ZNF468: variants seen among roughly 807,000 people sequenced by gnomAD.
ZNF468 encodes the protein zinc finger protein ZNF468.
A neutral mutation model predicts 7.2 loss-of-function variants in ZNF468; 8 were observed. The observed-to-expected ratio is 1.11, with a 90% CI of 0.65 to 2.01. The LOEUF (loss-of-function observed/expected upper bound fraction) is 2.01. ZNF468 is among the 30% of genes most tolerant of loss of function. The pLI is 0.00. For synonymous variants in ZNF468, 218 were observed against 214.4 expected, an observed-to-expected ratio of 1.02 and a Z score of -0.15; for missense variants, 608 against 626.5, an observed-to-expected ratio of 0.97 and a Z score of 0.31.
Position 52,841,557 on chromosome 19 carries a change from T to A in ZNF468, c.737A>T (p.Asp246Val). ...IHLEEKQCKC[D>V]VCGKVFNQKR... ...CTGATTAAAGACCTTGCCACATACATCACATTTACATTGTTTCTCTTCTAA... is the reference window on the plus strand; with the variant it reads ...CTGATTAAAGACCTTGCCACATACAACACATTTACATTGTTTCTCTTCTAA... The change falls in exon 4 of 4, where the codon GAT becomes GTT. Residue 246 changes from aspartate to valine, a missense_variant. Coordinates refer to ENST00000595646, the MANE Select transcript of ZNF468 (RefSeq NM_001008801.2). 1.2e-6 allele frequency: 2 copies of A among 1,614,152 alleles called. No individual in the cohort carries two copies. Among genetic ancestry groups the A allele is most frequent in the Non-Finnish European group, 1.7e-6 (2 of 1,180,026 alleles).
rs770588088 is a variant in ZNF468 at position 52,841,812 on chromosome 19, C to G, written c.482G>C (p.Gly161Ala). 1 of 1,614,048 alleles carries G rather than the reference C, an allele frequency of 6.2e-7. No individual in the cohort carries two copies. The highest frequency in any genetic ancestry group is 1.3e-5 in the African/African-American group (1 of 75,016). ...PHIFQSEGKIGNQVEKSINNA... is the reference protein window; with the variant it reads ...PHIFQSEGKIANQVEKSINNA... ...GTTGATAGACTTCTCAACTTGATTA[C>G]CAATTTTCCCTTCAGACTGAAATAT... is the stretch of plus-strand genomic sequence containing the variant. Residue 161 changes from glycine to alanine, a missense_variant, in exon 4 of 4, where the codon GGT becomes GCT. By Grantham distance (60) the Gly-to-Ala change is moderately conservative. Transcript: ENST00000595646.
At position 52,839,966 on chromosome 19, in the gene ZNF468, T is replaced by C. The variant is rs1387220711; in HGVS notation, c.*759A>G. The C allele has an allele frequency of 1.6e-6, 2 of 1,257,554 alleles. No homozygotes were observed. The highest frequency in any genetic ancestry group is 3.5e-5 in the East Asian group (1 of 28,800). 77.9% of individuals were successfully genotyped at this position (1,257,554 alleles called of 1,614,324 possible). On this transcript the variant is annotated 3_prime_UTR_variant, in exon 4 of 4. Transcript: ENST00000595646. ...TCATTACATTAGTCAAGTTTCCCTATACCATGGATTGCTTGATGGTGAATA... is the reference window on the plus strand; with the variant it reads ...TCATTACATTAGTCAAGTTTCCCTACACCATGGATTGCTTGATGGTGAATA...
At chr19:52,848,075 A>G (rs914421233) in intron 3 of ZNF468, among the ~76,000 whole-genome samples, 1 of 152,198 alleles carries the variant, frequency 6.6e-6, no homozygotes, top group African/African-American at 2.4e-5. Context: ...GTGAAAAATT[A>G]AACTTTCCTT....
intron 1 of ZNF468, among the ~76,000 whole-genome samples, chr19:52,855,043 T>C (rs1031991003): frequency 6.6e-6 from 1 of 151,876 alleles, no homozygotes; most frequent in Non-Finnish European, 1.5e-5. Flanking sequence ...CAGGGTGTGG[T>C]GGCACACACC....
chr19:52,840,474 T>C lies in ZNF468; in HGVS notation c.*251A>G, dbSNP rs746812662. The C allele has an allele frequency of 3.7e-6, 3 of 800,228 alleles. No homozygotes were observed. The South Asian group carries it at 5.0e-5, about 13-fold the overall frequency. The allele number at this position is 800,228 out of a possible 1,614,324, so 49.6% of individuals were successfully genotyped here. A position where few individuals can be genotyped will look rare whatever the true frequency, so the allele number is the denominator to read the frequency against. On this transcript the variant is annotated 3_prime_UTR_variant, in exon 4 of 4. Transcript: ENST00000595646. ...AACCTTGTCACAAACCTTACCTCTG[T>C]ATGGTTTCTCTTCAATGTGAATTTT...
intron 3 of ZNF468, among the ~76,000 whole-genome samples, chr19:52,846,794 G>C (rs901177797): frequency 6.6e-6 from 1 of 152,118 alleles, no homozygotes; most frequent in Non-Finnish European, 1.5e-5. Flanking sequence ...TTGAGATGAG[G>C]AGTTTGAGAC....
Position 52,839,826 on chromosome 19 carries a change from A to C in ZNF468, c.*899T>G. 1.9e-6 allele frequency: 1 copy of C among 538,418 alleles called. No individual in the cohort carries two copies. Among genetic ancestry groups the C allele is most frequent in the Non-Finnish European group, 3.5e-6 (1 of 287,710 alleles). The allele number at this position is 538,418 out of a possible 1,614,324, so 33.4% of individuals were successfully genotyped here. A position where few individuals can be genotyped will look rare whatever the true frequency, so the allele number is the denominator to read the frequency against. On this transcript the variant is annotated 3_prime_UTR_variant, in exon 4 of 4. Coordinates refer to ENST00000595646, the MANE Select transcript of ZNF468 (RefSeq NM_001008801.2). ...AGCATGAGTTCACCAGTGAAATGCAAGGCATGAACGATGTCTGAAAAATTT... is the reference window on the plus strand; with the variant it reads ...AGCATGAGTTCACCAGTGAAATGCACGGCATGAACGATGTCTGAAAAATTT...
At chr19:52,845,694 G>A (rs2063336999) in intron 3 of ZNF468, among the ~76,000 whole-genome samples, 1 of 151,470 alleles carries the variant, frequency 6.6e-6, no homozygotes, top group Non-Finnish European at 1.5e-5. Flanking sequence ...AATAAATAAA[G>A]TTCTCCAGTA....
At chr19:52,843,852 T>C (rs193011484) in intron 3 of ZNF468, among the ~76,000 whole-genome samples, 1 of 152,252 alleles carries the variant, frequency 6.6e-6, no homozygotes, top group East Asian at 1.9e-4. Flanking sequence ...CCGGGTGCAG[T>C]GGCACATGCC....
Position 52,841,852 on chromosome 19 carries a change from G to A in ZNF468, c.442C>T (p.Leu148=). Reference sequence around the variant, plus strand: ...GACTGAAATATGTGCGGTTCAGGCAGATGCAAATGAAAGCTTGATCCAAGC... The same window carrying A: ...GACTGAAATATGTGCGGTTCAGGCAAATGCAAATGAAAGCTTGATCCAAGC... ...DQLGSSFHLH[L]PEPHIFQSEG... Residue 148 remains leucine (L), a synonymous_variant, in exon 4 of 4, where the codon CTG becomes TTG. Coordinates refer to ENST00000595646, the MANE Select transcript of ZNF468 (RefSeq NM_001008801.2). The A allele has an allele frequency of 4.3e-6, 7 of 1,614,112 alleles. No individual in the cohort carries two copies. The highest frequency in any genetic ancestry group is 5.9e-6 in the Non-Finnish European group (7 of 1,180,026).
intron 3 of ZNF468, among the ~76,000 whole-genome samples, 163 bp downstream of exon 3, chr19:52,848,924 A>G (rs749198266): frequency 1.8e-4 from 28 of 152,062 alleles, no homozygotes; most frequent in Non-Finnish European, 3.7e-4. Flanking sequence ...GAACATCTAA[A>G]CAAAGGGGAC....
chr19:52,841,917 T>G lies in ZNF468; in HGVS notation c.377A>C (p.His126Pro). The G allele has an allele frequency of 6.2e-7, 1 of 1,614,080 alleles. No individual in the cohort carries two copies. The highest frequency in any genetic ancestry group is 8.5e-7 in the Non-Finnish European group (1 of 1,179,988). ...CTTGTTTCCAGCATGCCTTTGATCA[T>G]GTTGGCCTGTACTACCAGCCAACTC... Reference protein sequence around the residue: ...IKELAGSTGQHDQRHAGNKRI... With the variant: ...IKELAGSTGQPDQRHAGNKRI... The change falls in exon 4 of 4, where the codon CAT (histidine) becomes CCT (proline). Residue 126 changes from histidine to proline, a missense_variant. His to Pro is a moderately conservative substitution (Grantham distance 77, BLOSUM62 -2). Transcript: ENST00000595646.
rs990713076 is a variant in ZNF468 at position 52,838,935 on chromosome 19, A to G, written c.*1790T>C. ...TTAGATTCGGTACAATACTCATAGA[A>G]GTCTCTATAACTTTTTGTTAAAGAA... On this transcript the variant is annotated 3_prime_UTR_variant, in exon 4 of 4. Transcript: ENST00000595646. The G allele has an allele frequency of 1.3e-5, 2 of 152,164 alleles. No homozygotes were observed. Among genetic ancestry groups the G allele is most frequent in the African/African-American group, 4.8e-5 (2 of 41,430 alleles). 9.4% of individuals were successfully genotyped at this position (152,164 alleles called of 1,614,324 possible).
At position 52,841,795 on chromosome 19, in the gene ZNF468, A is replaced by C; in HGVS notation, c.499T>G (p.Ser167Ala). Residue 167 changes from serine (S) to alanine (A), a missense_variant, in exon 4 of 4, where the codon TCT (serine) becomes GCT (alanine). Ser to Ala is a moderately conservative substitution (Grantham distance 99). Coordinates refer to ENST00000595646, the MANE Select transcript of ZNF468 (RefSeq NM_001008801.2). ...GAAACTGAGGAAGCATTGTTGATAG[A>C]CTTCTCAACTTGATTACCAATTTTC... ...EGKIGNQVEKSINNASSVSTS... is the reference protein window; with the variant it reads ...EGKIGNQVEKAINNASSVSTS... The C allele has an allele frequency of 6.2e-7, 1 of 1,614,042 alleles. No homozygotes were observed. The highest frequency in any genetic ancestry group is 8.5e-7 in the Non-Finnish European group (1 of 1,179,984).
In ZNF468 at chr19:52,841,439, G is replaced by A. The variant is rs540742085; in HGVS notation, c.855C>T (p.Ser285=). 5 of 1,613,824 alleles carry A rather than the reference G, an allele frequency of 3.1e-6. No homozygotes were observed. The Admixed American group carries it at 5.0e-5, about 16-fold the overall frequency. Residue 285 remains serine, a synonymous_variant, in exon 4 of 4, where the codon TCC becomes TCT. Transcript: ENST00000595646. ...TATGAAGCGCTTTGTGAATGAAGAG[G>A]GATGAATTATGACCAAAGGTCTTGC... ...ECGKTFGHNS[S]LFIHKALHTG... is the part of the protein sequence containing the mutation.
In ZNF468 at chr19:52,839,979, T is replaced by C; in HGVS notation, c.*746A>G. 7.7e-7 allele frequency: 1 copy of C among 1,297,014 alleles called. No individual in the cohort carries two copies. The highest frequency in any genetic ancestry group is 1.5e-5 in the African/African-American group (1 of 66,586). 80.3% of individuals were successfully genotyped at this position (1,297,014 alleles called of 1,614,324 possible). A position where few individuals can be genotyped will look rare whatever the true frequency, so the allele number is the denominator to read the frequency against. On this transcript the variant is annotated 3_prime_UTR_variant, in exon 4 of 4. Transcript: ENST00000595646. ...CAAGTTTCCCTATACCATGGATTGC[T>C]TGATGGTGAATAAGTGGTGACTGCC...
Position 52,842,171 on chromosome 19 carries a change from A to G in ZNF468, c.143-20T>C. Reference sequence around the variant, plus strand: ...AGATATCTACAAAATTTAAACACCAATAGGTTTCCAATTAAGTACAGACGG... The same window carrying G: ...AGATATCTACAAAATTTAAACACCAGTAGGTTTCCAATTAAGTACAGACGG... On this transcript the variant is annotated intron_variant, in intron 3 of 3. Coordinates refer to ENST00000595646, the MANE Select transcript of ZNF468 (RefSeq NM_001008801.2). 2.6e-6 allele frequency: 4 copies of G among 1,554,908 alleles called. No individual in the cohort carries two copies. The highest frequency in any genetic ancestry group is 3.5e-6 in the Non-Finnish European group (4 of 1,148,614).
At chr19:52,843,095 T>C (rs1330447637) in intron 3 of ZNF468, among the ~76,000 whole-genome samples, 1 of 126,702 alleles carries the variant, frequency 7.9e-6, no homozygotes, top group African/African-American at 3.1e-5. Context: ...TGCTCCACCC[T>C]GGACAACAGA....
chr19:52,840,535 CTT>C lies in ZNF468; in HGVS notation c.*188_*189del. 8.4e-7 allele frequency: 1 copy of C among 1,195,606 alleles called. No individual in the cohort carries two copies. Among genetic ancestry groups the C allele is most frequent in the South Asian group, 1.3e-5 (1 of 76,972 alleles). 74.1% of individuals were successfully genotyped at this position (1,195,606 alleles called of 1,614,324 possible). A position where few individuals can be genotyped will look rare whatever the true frequency, so the allele number is the denominator to read the frequency against. On this transcript the variant is annotated 3_prime_UTR_variant, in exon 4 of 4. Transcript: ENST00000595646. ...TTAAGGTTTGATTTACAACTGAAAA[CTT>C]TTGTCACATTCCTCCCATTTGTAAG... is the stretch of plus-strand genomic sequence containing the variant.
Sources: gnomAD v4.1 joint callset for allele counts (sites outside exome capture counted in the v4.1 genomes callset) on GRCh38, gnomAD v4.1.1 for gene constraint, MANE v1.5 for transcripts, NCBI Gene and HGNC (gene_info 2026-07-23, HGNC 2026-07-21) for gene names.